ARPC1A: variants seen among roughly 807,000 people sequenced by gnomAD.
ARPC1A encodes the protein actin-related protein 2/3 complex subunit 1A.
Under a neutral mutation model 46.9 loss-of-function variants are expected in ARPC1A, and 8 were observed. The observed-to-expected ratio is 0.17, with a 90% CI of 0.10 to 0.31. The LOEUF is 0.31. Among genes scored for constraint, ARPC1A ranks in the 10% least tolerant of loss-of-function variants. The probability of loss-of-function intolerance (pLI) is 1.00; values close to 1 mark genes in which losing one functional copy is unlikely to be tolerated. For synonymous variants in ARPC1A, 152 were observed against 169.0 expected, an observed-to-expected ratio of 0.90 and a Z score of 0.78; for missense variants, 286 against 483.6, an observed-to-expected ratio of 0.59 and a Z score of 3.83.
intron 9 of ARPC1A, among the ~76,000 whole-genome samples, chr7:99,365,653 A>T (rs913401531): frequency 1.3e-5 from 2 of 149,662 alleles, no homozygotes; most frequent in African/African-American, 4.9e-5. Context: ...GTGTGCCCAG[A>T]GCCTGTGTGT....
At chr7:99,326,894 C>G (rs148275861) in intron 1 of ARPC1A, among the ~76,000 whole-genome samples, 1 of 152,184 alleles carries the variant, frequency 6.6e-6, no homozygotes, top group Non-Finnish European at 1.5e-5. Flanking sequence ...TGTTTCTAGC[C>G]CCATCCCGGT....
intron 8 of ARPC1A, among the ~76,000 whole-genome samples, chr7:99,362,429 T>C (rs539774366): frequency 2.7e-5 from 4 of 146,298 alleles, no homozygotes; most frequent in African/African-American, 1.0e-4. Context: ...CCTCCTGGGT[T>C]CACGCCCTTC....
At chr7:99,359,245 G>A (rs1401314793) in intron 7 of ARPC1A, among the ~76,000 whole-genome samples, 1 of 151,188 alleles carries the variant, frequency 6.6e-6, no homozygotes, top group Non-Finnish European at 1.5e-5. Flanking sequence ...AGACCAGCCT[G>A]GCCAACATGG....
chr7:99,353,092 T>TTTAG lies in ARPC1A; in HGVS notation c.501-815_501-814insAGTT, dbSNP rs1793571019. Among the ~76,000 whole-genome samples the TTTAG allele has an allele frequency of 2.0e-5, 3 of 150,584 alleles. No individual in the cohort carries two copies. The Admixed American group carries it at 2.0e-4, about 10-fold the overall frequency. On this transcript the variant is annotated intron_variant, in intron 5 of 9. Coordinates refer to ENST00000262942, the MANE Select transcript of ARPC1A (RefSeq NM_006409.4). ...TGGACTTACCTATCATGATTTATTA[T>TTTAG]TTTAGTTTAGTTTAGTTTAGTTTAT...
rs1005936127 is a variant in ARPC1A at position 99,366,145 on chromosome 7, G to C, written c.*216G>C. 3 of 580,734 alleles carry C rather than the reference G, an allele frequency of 5.2e-6. No homozygotes were observed. Among genetic ancestry groups the C allele is most frequent in the African/African-American group, 1.9e-5 (1 of 53,168 alleles). The allele number at this position is 580,734 out of a possible 1,614,324, so 36.0% of individuals were successfully genotyped here. ...TTTTTTGCGATTTCATTCCATTCTTGACCAAAGCTTCTCTTTAAGTAGTTT... is the reference window on the plus strand; with the variant it reads ...TTTTTTGCGATTTCATTCCATTCTTCACCAAAGCTTCTCTTTAAGTAGTTT... On this transcript the variant is annotated 3_prime_UTR_variant, in exon 10 of 10. Coordinates refer to ENST00000262942, the MANE Select transcript of ARPC1A (RefSeq NM_006409.4).
Position 99,361,302 on chromosome 7 carries a change from A to G in ARPC1A, c.983+1564A>G, listed in dbSNP as rs1793735940. Among the ~76,000 whole-genome samples, 4 of 152,080 alleles carry G rather than the reference A, an allele frequency of 2.6e-5. No individual in the cohort carries two copies. The South Asian group carries it at 6.2e-4, about 24-fold the overall frequency. ...AGGATCACTTGAGGCCAGCAGTTCA[A>G]TACCATCCTGGGCAACACAGCAAGA... is the stretch of plus-strand genomic sequence containing the variant. On this transcript the variant is annotated intron_variant, in intron 8 of 9. Transcript: ENST00000262942.
intron 2 of ARPC1A, among the ~76,000 whole-genome samples, chr7:99,334,406 C>T (rs1793204157): frequency 6.6e-6 from 1 of 151,744 alleles, no homozygotes; most frequent in Non-Finnish European, 1.5e-5. Flanking sequence ...AATAAAAACA[C>T]AGAAAGAGCA....
intron 1 of ARPC1A, among the ~76,000 whole-genome samples, chr7:99,332,433 A>G (rs1415825572): frequency 6.6e-6 from 1 of 152,128 alleles, no homozygotes; most frequent in African/African-American, 2.4e-5. Flanking sequence ...ACGTAAAGGC[A>G]TCTTTTTCTC....
rs61239848 is a variant in ARPC1A, at chr7:99,337,327, A to G, written c.65-854A>G. On this transcript the variant is annotated intron_variant, in intron 2 of 9. Coordinates refer to ENST00000262942, the MANE Select transcript of ARPC1A (RefSeq NM_006409.4). ...TCCCAGCTACTTCGGAGGCTAAGGCAGGAGAATCGCTTGAACCTGGGAGGC... is the reference window on the plus strand; with the variant it reads ...TCCCAGCTACTTCGGAGGCTAAGGCGGGAGAATCGCTTGAACCTGGGAGGC... Among the ~76,000 whole-genome samples, 1,226 of 152,320 alleles carry G rather than the reference A, an allele frequency of 8.0e-3. 24 individuals carry two copies. The highest frequency in any genetic ancestry group is 0.028 in the African/African-American group (1,183 of 41,562).
At chr7:99,335,511 G>T (rs867940476) in intron 2 of ARPC1A, 3 of 340,992 alleles carry the variant, frequency 8.8e-6, no homozygotes, top group Middle Eastern at 7.6e-4. Context: ...AGAAGTGTAA[G>T]TTCCAACTTT....
chr7:99,361,208 A>G (rs1793734337), intron 8 of ARPC1A, among the ~76,000 whole-genome samples: 1 of 152,058 alleles, frequency 6.6e-6, no homozygotes, highest in African/African-American at 2.4e-5. Context: ...TGTATTGAAA[A>G]ATGAGAACCA....
intron 1 of ARPC1A, among the ~76,000 whole-genome samples, chr7:99,329,193 C>T (rs959129309): frequency 2.6e-5 from 4 of 151,024 alleles, no homozygotes; most frequent in Non-Finnish European, 2.9e-5. Context: ...CCCAGCTACT[C>T]GGGAGGCTGA....
chr7:99,363,753 C>T, intron 9 of ARPC1A, 120 bp downstream of exon 9: 2 of 683,754 alleles, frequency 2.9e-6, no homozygotes, highest in East Asian at 2.8e-5. Context: ...TGGCTCACTG[C>T]AGCCACCAAC....
At chr7:99,355,125 AAAAAAAATC>A (rs1177710255) in intron 6 of ARPC1A, among the ~76,000 whole-genome samples, 3 of 151,420 alleles carry the variant, frequency 2.0e-5, no homozygotes, top group Non-Finnish European at 4.4e-5. Flanking sequence ...AAAAAAAAAA[AAAAAAAATC>A]AGCCCGGCAT....
At chr7:99,334,418 G>A (rs1793204471) in intron 2 of ARPC1A, among the ~76,000 whole-genome samples, 2 of 151,946 alleles carry the variant, frequency 1.3e-5, no homozygotes, top group African/African-American at 4.8e-5. Flanking sequence ...GAAAGAGCAG[G>A]ATTGGGGAGA....
chr7:99,344,692 C>T (rs558430456), intron 4 of ARPC1A, among the ~76,000 whole-genome samples, 177 bp downstream of exon 4: 5 of 151,992 alleles, frequency 3.3e-5, no homozygotes, highest in African/African-American at 9.6e-5. Context: ...TTAAATCGCA[C>T]GTTTTTTATA....
chr7:99,353,769 G>A (rs1299667491), intron 5 of ARPC1A, 140 bp from the exon 6 acceptor site: 37 of 822,512 alleles, frequency 4.5e-5, no homozygotes, highest in Middle Eastern at 2.4e-4. Context: ...TTGAGCCACC[G>A]TGCCCAGCTC....
chr7:99,366,065 A>C lies in ARPC1A; in HGVS notation c.*136A>C. 2 of 1,099,972 alleles carry C rather than the reference A, an allele frequency of 1.8e-6. No individual in the cohort carries two copies. The highest frequency in any genetic ancestry group is 2.5e-6 in the Non-Finnish European group (2 of 787,124). 68.1% of individuals were successfully genotyped at this position (1,099,972 alleles called of 1,614,324 possible). On this transcript the variant is annotated 3_prime_UTR_variant, in exon 10 of 10. Coordinates refer to ENST00000262942, the MANE Select transcript of ARPC1A (RefSeq NM_006409.4). ...CGCCAATGCCGTGTGGTTTTGTTTG[A>C]ATATAAAATTGGTGAAAGTGTTGGT... is the stretch of plus-strand genomic sequence containing the variant.
rs771655890 is a variant in ARPC1A, at chr7:99,362,336, C to CT, written c.984-1190dup. On this transcript the variant is annotated intron_variant, in intron 8 of 9. Transcript: ENST00000262942. ...AATAAAAATGTAAAACCCCGCCCCC[C>CT]TTTTTTTTTTTTTTTTTGAGATGGA... 7.2e-3 allele frequency among the ~76,000 whole-genome samples: 939 copies of CT among 129,620 alleles called. 16 individuals are homozygous for CT. Among genetic ancestry groups the CT allele is most frequent in the Non-Finnish European group, 0.011 (661 of 61,610 alleles). The allele number at this position is 129,620 out of a possible 152,430, so 85.0% of individuals were successfully genotyped here.
Sources: gnomAD v4.1 joint callset for allele counts (sites outside exome capture counted in the v4.1 genomes callset) on GRCh38, gnomAD v4.1.1 for gene constraint, MANE v1.5 for transcripts, NCBI Gene and HGNC (gene_info 2026-07-23, HGNC 2026-07-21) for gene names.